Variants in NFIB observed in about 807,000 individuals in gnomAD.
The protein encoded by NFIB is nuclear factor 1 B-type.
Under a neutral mutation model 61.5 loss-of-function variants are expected in NFIB, and 11 were observed. The ratio of observed to expected loss-of-function variants is 0.18; its 90% CI spans 0.11 to 0.30. NFIB has a LOEUF of 0.30. Ranked by LOEUF, NFIB falls within the 10% of genes least tolerant of loss-of-function variation. The pLI is 1.00. For synonymous variants in NFIB, 260 were observed against 216.5 expected, an observed-to-expected ratio of 1.20 and a Z score of -1.76; for missense variants, 471 against 608.9, an observed-to-expected ratio of 0.77 and a Z score of 2.38.
intron 3 of NFIB, among the ~76,000 whole-genome samples, chr9:14,172,330 G>C (rs1295242843): frequency 1.3e-5 from 2 of 152,132 alleles, no homozygotes; most frequent in Non-Finnish European, 1.5e-5. Flanking sequence ...GTAGGAATCA[G>C]TGAAATAAGA....
At chr9:14,113,969 G>A (rs1587303131) in intron 9 of NFIB, among the ~76,000 whole-genome samples, 1 of 152,012 alleles carries the variant, frequency 6.6e-6, no homozygotes, top group Admixed American at 6.6e-5. Flanking sequence ...AAGGACTGAG[G>A]TATCTTCCCA....
intron 1 of NFIB, among the ~76,000 whole-genome samples, chr9:14,349,508 G>C (rs1160317135): frequency 6.6e-6 from 1 of 152,098 alleles, no homozygotes; most frequent in Non-Finnish European, 1.5e-5. Context: ...CTCCGTTTTG[G>C]GAGCAGCGAA....
intron 1 of NFIB, among the ~76,000 whole-genome samples, chr9:14,360,548 C>CTT (rs545386396): frequency 3.5e-4 from 49 of 140,530 alleles, no homozygotes; most frequent in African/African-American, 9.4e-4. Context: ...CTGTTTTTTT[C>CTT]TTTTTTTTTT....
At chr9:14,400,350 C>A (rs1180486659), upstream of NFIB, among the ~76,000 whole-genome samples, 4 of 152,174 alleles carry the variant, frequency 2.6e-5, no homozygotes, top group Non-Finnish European at 4.4e-5. Flanking sequence ...TAAGCCTCTT[C>A]ATTCTAAAAG....
chr9:14,117,741 C>A (rs1005885101), intron 8 of NFIB, among the ~76,000 whole-genome samples: 2 of 151,990 alleles, frequency 1.3e-5, no homozygotes, highest in Admixed American at 6.6e-5. Context: ...GAAAATTGAC[C>A]AGAGTTTTCC....
chr9:14,329,197 G>A (rs917449683), intron 1 of NFIB, among the ~76,000 whole-genome samples: 3 of 152,182 alleles, frequency 2.0e-5, no homozygotes, highest in African/African-American at 4.8e-5. Flanking sequence ...GAGGTAAAGT[G>A]ACTTACTTAT....
At chr9:14,422,696 T>A in the NFIB span, among the ~76,000 whole-genome samples, 1 of 152,214 alleles carries the variant, frequency 6.6e-6, no homozygotes, top group Non-Finnish European at 1.5e-5. Context: ...CATCTTGGAC[T>A]AATCTCTTTG....
chr9:14,140,335 G>C (rs538502553), intron 6 of NFIB, among the ~76,000 whole-genome samples: 2 of 152,122 alleles, frequency 1.3e-5, no homozygotes, highest in Non-Finnish European at 2.9e-5. Flanking sequence ...GAAATCTTGA[G>C]ATTATATCAT....
chr9:14,205,823 A>G (rs2049625870), intron 2 of NFIB, among the ~76,000 whole-genome samples: 1 of 152,132 alleles, frequency 6.6e-6, no homozygotes, highest in African/African-American at 2.4e-5. Flanking sequence ...AGCCACACCA[A>G]TATTGTTTAC....
At chr9:14,221,702 G>C (rs1478560238) in intron 2 of NFIB, among the ~76,000 whole-genome samples, 1 of 152,180 alleles carries the variant, frequency 6.6e-6, no homozygotes. Flanking sequence ...CCATGAAGCT[G>C]TCCTGACAAA....
At chr9:14,186,141 A>T (rs1386593173) in intron 2 of NFIB, among the ~76,000 whole-genome samples, 1 of 152,254 alleles carries the variant, frequency 6.6e-6, no homozygotes. Context: ...GAGCTGTACA[A>T]GGTGAGTTTT....
the NFIB span, among the ~76,000 whole-genome samples, chr9:14,465,762 G>T: frequency 6.6e-6 from 1 of 152,158 alleles, no homozygotes; most frequent in East Asian, 1.9e-4. Flanking sequence ...CTCTACTGCA[G>T]GGTGGACATT....
At chr9:14,248,613 A>G (rs1423370002) in intron 2 of NFIB, among the ~76,000 whole-genome samples, 4 of 152,062 alleles carry the variant, frequency 2.6e-5, no homozygotes, top group African/African-American at 9.7e-5. Flanking sequence ...TTCCTCTGGG[A>G]AGCCACTCTT....
chr9:14,451,165 T>G, the NFIB span, among the ~76,000 whole-genome samples: 3 of 152,206 alleles, frequency 2.0e-5, no homozygotes, highest in African/African-American at 7.2e-5. Context: ...ACCCTCCCAG[T>G]GGGACACCAC....
At chr9:14,204,702 AGTT>A (rs1460022754) in intron 2 of NFIB, 1 of 610,840 alleles carries the variant, frequency 1.6e-6, no homozygotes, top group African/African-American at 1.8e-5. Flanking sequence ...AAGAAAGCTC[AGTT>A]GGTGGTGATT....
the NFIB span, among the ~76,000 whole-genome samples, chr9:14,453,825 G>T: frequency 6.6e-6 from 1 of 152,166 alleles, no homozygotes; most frequent in Non-Finnish European, 1.5e-5. Flanking sequence ...GCTCACACCT[G>T]TAATCCCAGC....
chr9:14,296,518 C>T (rs1373503465), intron 2 of NFIB, among the ~76,000 whole-genome samples: 1 of 152,186 alleles, frequency 6.6e-6, no homozygotes, highest in African/African-American at 2.4e-5. Flanking sequence ...GGAGGTGGGG[C>T]CTTTGGGAGA....
At chr9:14,447,980 T>C in the NFIB span, among the ~76,000 whole-genome samples, 1 of 152,204 alleles carries the variant, frequency 6.6e-6, no homozygotes, top group African/African-American at 2.4e-5. Flanking sequence ...AGTCCTCTAT[T>C]GATACTTTAG....
intron 2 of NFIB, chr9:14,204,714 T>C (rs372909599): frequency 4.5e-5 from 27 of 602,220 alleles, no homozygotes; most frequent in East Asian, 4.1e-4. Context: ...TTGGTGGTGA[T>C]TGCATACAAC....
Sources: allele counts gnomAD v4.1 joint callset (sites outside exome capture counted in the v4.1 genomes callset), GRCh38; gene constraint gnomAD v4.1.1; transcripts MANE v1.5; gene names NCBI Gene and HGNC (gene_info 2026-07-23, HGNC 2026-07-21).